The following FXYD6 variants were observed in gnomAD, a reference collection of about 807,000 sequenced individuals.
FXYD6 encodes the protein FXYD domain containing ion transport regulator 6, also known as FXYD domain-containing ion transport regulator 6.
Under a neutral mutation model 16.7 loss-of-function variants are expected in FXYD6, and 7 were observed. The observed-to-expected ratio is 0.42, with a 90% CI of 0.24 to 0.79. FXYD6 has a LOEUF of 0.79. FXYD6 is among the 30% of genes least tolerant of loss of function. The probability of loss-of-function intolerance (pLI) is 0.28; values close to 1 mark genes in which losing one functional copy is unlikely to be tolerated. For missense variants in FXYD6, 111 were observed against 116.2 expected (o/e 0.95, Z 0.21); for synonymous variants, 49 against 43.0 (o/e 1.14, Z -0.54).
chr11:117,858,370 G>C (rs1474268882), intron 1 of FXYD6: 1 of 152,316 alleles, frequency 6.6e-6, no homozygotes, highest in East Asian at 1.9e-4. Context: ...GCTCCAGGGG[G>C]GCTTTCCCAG....
chr11:117,864,418 TAACACCAC>T (rs1327168971), intron 1 of FXYD6, among the ~76,000 whole-genome samples: 12 of 152,178 alleles, frequency 7.9e-5, no homozygotes, highest in African/African-American at 2.7e-4. Flanking sequence ...GACCCTTACT[TAACACCAC>T]ACACAAAATT....
chr11:117,875,674 G>A (rs941092538), intron 1 of FXYD6, among the ~76,000 whole-genome samples: 2 of 152,206 alleles, frequency 1.3e-5, no homozygotes, highest in Admixed American at 6.5e-5. Context: ...AAGCCACAGA[G>A]ACAAAGGAAG....
chr11:117,877,106 C>A (rs2057288525), upstream of FXYD6: 1 of 152,264 alleles, frequency 6.6e-6, no homozygotes, highest in Admixed American at 6.5e-5. Flanking sequence ...ATAGTAAACC[C>A]CGAGGAACGG....
At chr11:117,840,230 C>T (rs2056306356) in intron 6 of FXYD6, 89 bp downstream of exon 6, 1 of 1,568,400 alleles carries the variant, frequency 6.4e-7, no homozygotes, top group Non-Finnish European at 8.8e-7. Context: ...TCTGGCTGGC[C>T]ATGCACCTGG....
intron 1 of FXYD6, among the ~76,000 whole-genome samples, chr11:117,862,934 T>C (rs1246929569): frequency 2.0e-5 from 3 of 152,132 alleles, no homozygotes; most frequent in South Asian, 4.1e-4. Flanking sequence ...CCTGCCCACA[T>C]TGGTCAAAGG....
chr11:117,838,469 G>A (rs1488438245), intron 7 of FXYD6, 192 bp from the exon 8 acceptor site: 1 of 607,426 alleles, frequency 1.6e-6, no homozygotes, highest in East Asian at 2.8e-5. Context: ...GTGGGCTGGA[G>A]CCTGGCAGAC....
At chr11:117,848,922 T>C (rs932102055) in intron 1 of FXYD6, among the ~76,000 whole-genome samples, 3 of 152,188 alleles carry the variant, frequency 2.0e-5, no homozygotes, top group African/African-American at 7.2e-5. Flanking sequence ...AAACCAACTC[T>C]TGGTTTCATT....
Position 117,839,820 on chromosome 11 carries a change from G to T in FXYD6, c.270C>A (p.Pro90=), listed in dbSNP as rs1227189846. 6.2e-7 allele frequency: 1 copy of T among 1,614,144 alleles called. No homozygotes were observed. Among genetic ancestry groups the T allele is most frequent in the Admixed American group, 1.7e-5 (1 of 60,026 alleles). The change falls in exon 7 of 8, where the codon CCC becomes CCA. Residue 90 remains proline (P), a synonymous_variant. Coordinates refer to ENST00000526014, the MANE Select transcript of FXYD6 (RefSeq NM_022003.4). ...CTGCACTTCAGTTCTCTGCTTTCTG[G>T]GGCTCTGTTGCTGGAAAGAAAACCA... ...ENLITANATE[P]QKAEN
rs1040627215 is a variant in FXYD6 at position 117,870,232 on chromosome 11, G to A, written c.-6+6360C>T. On this transcript the variant is annotated intron_variant, in intron 1 of 7. Coordinates refer to ENST00000526014, the MANE Select transcript of FXYD6 (RefSeq NM_022003.4). The surrounding 1 kb of genome is among the most constrained non-coding windows in gnomAD (Gnocchi z 4.2). ...CCTCCTGCCTGCCAGCACAGGGGCT[G>A]AGGCCCCTCTGGTTCCCCAGGAGAT... is the stretch of plus-strand genomic sequence containing the variant. 6.6e-6 allele frequency among the ~76,000 whole-genome samples: 1 copy of A among 152,392 alleles called. No individual in the cohort carries two copies. The highest frequency in any genetic ancestry group is 2.1e-4 in the South Asian group (1 of 4,832).
chr11:117,868,624 C>T (rs550028666), intron 1 of FXYD6, among the ~76,000 whole-genome samples: 4 of 152,116 alleles, frequency 2.6e-5, no homozygotes, highest in East Asian at 1.9e-4. Context: ...AAGGTACAAA[C>T]GAACGACATT....
rs1159650872 is a variant in FXYD6, at chr11:117,858,784, C to CT, written c.-5-16004dup. Reference sequence around the variant, plus strand: ...TCCTTCCTTCCTTCCTTCCTTCTTTCTTTTCTTTTTTAGACAGTCTCGCTC... The same window carrying CT: ...TCCTTCCTTCCTTCCTTCCTTCTTTCTTTTTCTTTTTTAGACAGTCTCGCTC... On this transcript the variant is annotated intron_variant, in intron 1 of 7. Transcript: ENST00000526014. 3.3e-4 allele frequency among the ~76,000 whole-genome samples: 43 copies of CT among 128,492 alleles called. 1 individual carries two copies. Among genetic ancestry groups the CT allele is most frequent in the Non-Finnish European group, 5.6e-4 (35 of 62,012 alleles). The allele number at this position is 128,492 out of a possible 152,430, so 84.3% of individuals were successfully genotyped here. A position where few individuals can be genotyped will look rare whatever the true frequency, so the allele number is the denominator to read the frequency against.
At chr11:117,854,518 G>A (rs1457572552) in intron 1 of FXYD6, among the ~76,000 whole-genome samples, 8 of 152,190 alleles carry the variant, frequency 5.3e-5, no homozygotes, top group African/African-American at 1.9e-4. Context: ...ATACTATTCT[G>A]GGTTCTGCAA....
intron 1 of FXYD6, among the ~76,000 whole-genome samples, chr11:117,852,910 C>A (rs546520297): frequency 6.6e-6 from 1 of 152,268 alleles, no homozygotes; most frequent in Admixed American, 6.5e-5. Flanking sequence ...TGCTGCTTAA[C>A]CCACTCATTT....
chr11:117,866,421 G>C (rs1591590461), intron 1 of FXYD6, among the ~76,000 whole-genome samples: 3 of 152,268 alleles, frequency 2.0e-5, no homozygotes, highest in East Asian at 3.9e-4. Flanking sequence ...TTCTTACCCA[G>C]GCCAAGGAAG....
rs1565324117 is a variant in FXYD6, at chr11:117,858,766, TTC to T, written c.-5-15987_-5-15986del. 8.6e-5 allele frequency among the ~76,000 whole-genome samples: 12 copies of T among 139,352 alleles called. 1 individual carries two copies. The highest frequency in any genetic ancestry group is 1.9e-4 in the Non-Finnish European group (12 of 64,494). 91.4% of individuals were successfully genotyped at this position (139,352 alleles called of 152,430 possible). On this transcript the variant is annotated intron_variant, in intron 1 of 7. Coordinates refer to ENST00000526014, the MANE Select transcript of FXYD6 (RefSeq NM_022003.4). ...CTTCCTTCCTTCCTTCCTTCCTTCC[TTC>T]CTTCCTTCCTTCTTTCTTTTCTTTT...
chr11:117,857,463 G>A (rs1188474693), intron 1 of FXYD6, among the ~76,000 whole-genome samples: 1 of 148,666 alleles, frequency 6.7e-6, no homozygotes, highest in Non-Finnish European at 1.5e-5. Flanking sequence ...AGGCTGGAGT[G>A]CAGTGGCGCA....
intron 7 of FXYD6, 57 bp downstream of exon 7, chr11:117,839,724 G>A (rs2056292343): frequency 6.2e-7 from 1 of 1,607,364 alleles, no homozygotes; most frequent in Non-Finnish European, 8.5e-7. Flanking sequence ...CCCCTGTCCA[G>A]GCCCTGATGC....
chr11:117,857,232 C>T (rs1325452035), intron 1 of FXYD6, among the ~76,000 whole-genome samples: 2 of 152,260 alleles, frequency 1.3e-5, no homozygotes, highest in Admixed American at 1.3e-4. Context: ...CTCACTCTCT[C>T]ACACAGGGGA....
intron 1 of FXYD6, among the ~76,000 whole-genome samples, chr11:117,867,381 A>G (rs750446459): frequency 6.6e-6 from 1 of 152,162 alleles, no homozygotes; most frequent in Non-Finnish European, 1.5e-5. Context: ...AGTCCTAGCC[A>G]TGCTCGCACT....
Sources: allele counts gnomAD v4.1 joint callset (sites outside exome capture counted in the v4.1 genomes callset), GRCh38; gene constraint gnomAD v4.1.1; non-coding constraint Gnocchi (gnomAD v3.1); transcripts MANE v1.5; gene names NCBI Gene and HGNC (gene_info 2026-07-23, HGNC 2026-07-21).